PAPOLG: variants seen among roughly 807,000 people sequenced by gnomAD.
PAPOLG encodes the protein poly(A) polymerase gamma, also known as PAP-gamma.
Under a neutral mutation model 99.0 loss-of-function variants are expected in PAPOLG, and 40 were observed. The observed-to-expected ratio is 0.40, with a 90% CI of 0.31 to 0.53. PAPOLG has a LOEUF of 0.53. Ranked by LOEUF, PAPOLG falls within the 20% of genes least tolerant of loss-of-function variation. The pLI, the probability that PAPOLG is intolerant of heterozygous loss-of-function variation, is 0.41. For missense variants in PAPOLG, 675 were observed against 884.1 expected (o/e 0.76, Z 3.00); for synonymous variants, 310 against 299.3 (o/e 1.04, Z -0.37).
chr2:60,783,106 G>A (rs577190576), intron 12 of PAPOLG, 50 bp from the exon 13 acceptor site: 6 of 1,486,360 alleles, frequency 4.0e-6, no homozygotes, highest in Admixed American at 2.2e-5. Flanking sequence ...AAAGCAGGCT[G>A]TAACAATTTT....
chr2:60,781,761 C>T, intron 10 of PAPOLG, 124 bp from the exon 11 acceptor site: 12 of 1,313,334 alleles, frequency 9.1e-6, no homozygotes, highest in Non-Finnish European at 1.3e-5. Context: ...GGAAAATGTA[C>T]TTCTTAAACT....
At chr2:60,786,718 C>T (rs1012266526) in intron 13 of PAPOLG, among the ~76,000 whole-genome samples, 3 of 152,044 alleles carry the variant, frequency 2.0e-5, no homozygotes, top group East Asian at 1.9e-4. Context: ...TTAGTAGAGA[C>T]GGGATTTTGC....
intron 15 of PAPOLG, 57 bp downstream of exon 15, chr2:60,787,677 A>G (rs1671406615): frequency 1.3e-6 from 2 of 1,580,610 alleles, no homozygotes; most frequent in Non-Finnish European, 1.7e-6. Context: ...ACTCAGTGTC[A>G]TCTGCCTACA....
chr2:60,783,196 A>T lies in PAPOLG; in HGVS notation c.1153A>T (p.Asn385Tyr). Residue 385 changes from asparagine (N) to tyrosine (Y), a missense_variant, in exon 13 of 22, where the codon AAC (asparagine) becomes TAC (tyrosine). Physicochemically the swap from Asn to Tyr is moderately radical, Grantham distance 143 (BLOSUM62 -2). Coordinates refer to ENST00000238714, the MANE Select transcript of PAPOLG (RefSeq NM_022894.4). ...VLTASASTEE[N>Y]HLEWVGLVES... The stretch of plus-strand genomic sequence containing the variant: ...GACTGCCAGCGCATCAACAGAAGAA[A>T]ACCATCTAGAGTGGTAAGACTTCTA... 6.3e-7 allele frequency: 1 copy of T among 1,585,584 alleles called. No homozygotes were observed. The highest frequency in any genetic ancestry group is 8.6e-7 in the Non-Finnish European group (1 of 1,165,164).
intron 1 of PAPOLG, 126 bp from the exon 2 acceptor site, chr2:60,760,008 A>G (rs562491360): frequency 5.5e-6 from 5 of 914,150 alleles, no homozygotes; most frequent in South Asian, 3.4e-5. Flanking sequence ...AGTGTCTGCC[A>G]CTACTGTTAT....
chr2:60,795,595 A>G (rs1214113770), intron 21 of PAPOLG, among the ~76,000 whole-genome samples: 3 of 142,312 alleles, frequency 2.1e-5, no homozygotes, highest in African/African-American at 8.2e-5. Flanking sequence ...GTAAATAGAG[A>G]AAAACCTTCT....
chr2:60,776,417 C>CTTTTTTTTTTTTTTTT, intron 8 of PAPOLG, among the ~76,000 whole-genome samples: 1 of 121,530 alleles, frequency 8.2e-6, no homozygotes. Context: ...GCATTGGCTT[C>CTTTTTTTTTTTTTTTT]ATTTTTTTTT....
Position 60,779,633 on chromosome 2 carries a change from C to T in PAPOLG, c.695-4C>T, listed in dbSNP as rs950918572. 4.4e-6 allele frequency: 7 copies of T among 1,600,602 alleles called. No individual in the cohort carries two copies. In the Admixed American group the frequency reaches 6.8e-5, roughly 16 times the overall value. ...AATAATTAACAAATATATTGATTTT[C>T]TAGGACGTGGTATTTATTCCAACAT... On this transcript the variant is annotated splice_polypyrimidine_tract_variant and splice_region_variant and intron_variant, in intron 8 of 21. Coordinates refer to ENST00000238714, the MANE Select transcript of PAPOLG (RefSeq NM_022894.4).
intron 1 of PAPOLG, among the ~76,000 whole-genome samples, chr2:60,759,314 G>A (rs1001285821): frequency 2.0e-5 from 3 of 151,786 alleles, no homozygotes; most frequent in Admixed American, 6.6e-5. Flanking sequence ...GTTGCAGTGA[G>A]CTGAGATCTC....
intron 4 of PAPOLG, 86 bp downstream of exon 4, chr2:60,768,637 C>G: frequency 1.5e-6 from 2 of 1,353,384 alleles, no homozygotes; most frequent in South Asian, 2.6e-5. Flanking sequence ...AAAGTTCCCA[C>G]TATTTCACTA....
intron 20 of PAPOLG, 38 bp from the exon 21 acceptor site, chr2:60,794,926 A>T (rs777643979): frequency 6.2e-7 from 1 of 1,607,534 alleles, no homozygotes; most frequent in Non-Finnish European, 8.5e-7. Flanking sequence ...GCATATAGGA[A>T]AGTTAGTTTT....
intron 6 of PAPOLG, among the ~76,000 whole-genome samples, chr2:60,770,749 G>A (rs979607406): frequency 6.6e-5 from 10 of 151,850 alleles, no homozygotes; most frequent in African/African-American, 2.4e-4. Context: ...TGAGCCTCCT[G>A]AGTGGCTAGG....
At chr2:60,778,655 A>C (rs1260684024) in intron 8 of PAPOLG, among the ~76,000 whole-genome samples, 1 of 152,198 alleles carries the variant, frequency 6.6e-6, no homozygotes, top group African/African-American at 2.4e-5. Flanking sequence ...AAAAAATAGC[A>C]ACACATGGCT....
chr2:60,760,387 C>T, intron 2 of PAPOLG, 92 bp downstream of exon 2: 3 of 1,244,242 alleles, frequency 2.4e-6, no homozygotes, highest in South Asian at 1.5e-5. Flanking sequence ...TCTCTAGATA[C>T]AGGTGCAGAA....
At chr2:60,766,392 G>T (rs1403769568) in intron 3 of PAPOLG, among the ~76,000 whole-genome samples, 6 of 152,166 alleles carry the variant, frequency 3.9e-5, no homozygotes, top group Non-Finnish European at 8.8e-5. Flanking sequence ...AGCTGGACAT[G>T]GTGGCTCATG....
chr2:60,779,759 T>A lies in PAPOLG; in HGVS notation c.817T>A (p.Leu273Ile). The A allele has an allele frequency of 6.2e-7, 1 of 1,613,804 alleles. No homozygotes were observed. Among genetic ancestry groups the A allele is most frequent in the Non-Finnish European group, 8.5e-7 (1 of 1,179,770 alleles). ...ATCTACTTTAGTTCATAAGTTCTTT[T>A]TAGTTTTTTCCAAGTGGTAAGTATT... ...AASTLVHKFFLVFSKWEWPNP... is the reference protein window; with the variant it reads ...AASTLVHKFFIVFSKWEWPNP... The change falls in exon 9 of 22, where the codon TTA becomes ATA. Residue 273 changes from leucine (L) to isoleucine (I), a missense_variant. By Grantham distance (5) the Leu-to-Ile change is conservative. Coordinates refer to ENST00000238714, the MANE Select transcript of PAPOLG (RefSeq NM_022894.4).
At position 60,795,032 on chromosome 2, in the gene PAPOLG, G is replaced by A. The variant is rs1671654287; in HGVS notation, c.2112+12G>A. On this transcript the variant is annotated intron_variant, in intron 21 of 21. Transcript: ENST00000238714. ...CATCACGCAAAAAGGTAACAAGATA[G>A]TCTTGTTCATAGGTACAGTACATAG... is the stretch of plus-strand genomic sequence containing the variant. 6.3e-7 allele frequency: 1 copy of A among 1,593,190 alleles called. No individual in the cohort carries two copies. Among genetic ancestry groups the A allele is most frequent in the East Asian group, 2.2e-5 (1 of 44,716 alleles).
chr2:60,778,988 T>G (rs1253164650), intron 8 of PAPOLG, among the ~76,000 whole-genome samples: 1 of 151,936 alleles, frequency 6.6e-6, no homozygotes, highest in South Asian at 2.1e-4. Context: ...CGCAAGAGGC[T>G]GAGGTGGAGG....
chr2:60,779,887 G>A (rs1257795718), intron 9 of PAPOLG, 112 bp downstream of exon 9: 15 of 962,718 alleles, frequency 1.6e-5, no homozygotes, highest in Admixed American at 2.5e-5. Context: ...ACATTGCTTT[G>A]TAAAGTTGAA....
Sources: gnomAD v4.1 joint callset for allele counts (sites outside exome capture counted in the v4.1 genomes callset) on GRCh38, gnomAD v4.1.1 for gene constraint, MANE v1.5 for transcripts, NCBI Gene and HGNC (gene_info 2026-07-23, HGNC 2026-07-21) for gene names.